PPM1E: variants seen among roughly 807,000 people sequenced by gnomAD.
PPM1E encodes protein phosphatase, Mg2+/Mn2+ dependent 1E.
In PPM1E, 20 loss-of-function variants were observed where a neutral mutation model predicts 65.9. That is an observed-to-expected ratio of 0.30 (90% CI 0.21 to 0.44). PPM1E has a LOEUF of 0.44. Ranked by LOEUF, PPM1E falls within the 20% of genes least tolerant of loss-of-function variation. PPM1E has a pLI of 1.00. For synonymous variants in PPM1E, 352 were observed against 374.9 expected, an observed-to-expected ratio of 0.94 and a Z score of 0.70; for missense variants, 713 against 953.1, an observed-to-expected ratio of 0.75 and a Z score of 3.32.
chr17:58,868,369 C>A (rs1386538617), intron 1 of PPM1E, among the ~76,000 whole-genome samples: 1 of 151,366 alleles, frequency 6.6e-6, no homozygotes, highest in African/African-American at 2.4e-5. Context: ...CAATATTTTT[C>A]AAAAAAAAAT....
intron 6 of PPM1E, 22 bp from the exon 7 acceptor site, chr17:58,979,952 C>T: frequency 1.3e-6 from 2 of 1,586,940 alleles, no homozygotes; most frequent in African/African-American, 1.3e-5. Flanking sequence ...CTAATGATGC[C>T]CCTACACTCT....
chr17:58,773,068 C>G (rs1452322784), intron 1 of PPM1E, among the ~76,000 whole-genome samples: 1 of 151,594 alleles, frequency 6.6e-6, no homozygotes, highest in Non-Finnish European at 1.5e-5. Context: ...CTAAACTGTT[C>G]CCATTTCAAC....
In PPM1E at chr17:58,842,563, G is replaced by A. The variant is rs538799162; in HGVS notation, c.464+86102G>A. On this transcript the variant is annotated intron_variant, in intron 1 of 6. Transcript: ENST00000308249. ...CTCATGCCTGTAATCCCAGCACTTC[G>A]GGAGGCCAAGGCGGGTGGATCACTT... Among the ~76,000 whole-genome samples, 219 of 152,348 alleles carry A rather than the reference G, an allele frequency of 1.4e-3. 1 individual carries two copies. In the Middle Eastern group the frequency reaches 0.017, roughly 12 times the overall value.
At chr17:58,835,566 T>G (rs1403335381) in intron 1 of PPM1E, among the ~76,000 whole-genome samples, 1 of 152,068 alleles carries the variant, frequency 6.6e-6, no homozygotes, top group Non-Finnish European at 1.5e-5. Flanking sequence ...GCACCTGTAA[T>G]CCCAGCATTT....
chr17:58,784,016 T>TTTTTG (rs554744120), intron 1 of PPM1E, among the ~76,000 whole-genome samples: 13 of 149,312 alleles, frequency 8.7e-5, no homozygotes, highest in East Asian at 2.0e-4. Context: ...CGGCCTGTTT[T>TTTTTG]TTTTGTTTTG....
rs1417473032 is a variant in PPM1E, at chr17:58,818,561, A to G, written c.464+62100A>G. ...AGATTTGAGGGCTACTTATTCCCAT[A>G]TATAAGCTTTACTTAGTGTAAACTT... is the stretch of plus-strand genomic sequence containing the variant. On this transcript the variant is annotated intron_variant, in intron 1 of 6. Transcript: ENST00000308249. Among the ~76,000 whole-genome samples the G allele has an allele frequency of 3.3e-5, 5 of 152,196 alleles. No homozygotes were observed. In the South Asian group the frequency reaches 8.3e-4, roughly 25 times the overall value.
At chr17:58,814,229 A>G (rs1424911168) in intron 1 of PPM1E, among the ~76,000 whole-genome samples, 1 of 152,178 alleles carries the variant, frequency 6.6e-6, no homozygotes, top group Non-Finnish European at 1.5e-5. Flanking sequence ...AGATGGGAAT[A>G]GGAGTGTGAA....
At chr17:58,777,172 A>T (rs2050002049) in intron 1 of PPM1E, among the ~76,000 whole-genome samples, 2 of 152,132 alleles carry the variant, frequency 1.3e-5, no homozygotes, top group African/African-American at 4.8e-5. Flanking sequence ...GCTGCAGTGA[A>T]CCATTCAACC....
chr17:58,925,719 C>T (rs957733558), intron 1 of PPM1E, among the ~76,000 whole-genome samples: 4 of 152,086 alleles, frequency 2.6e-5, no homozygotes, highest in Non-Finnish European at 5.9e-5. Flanking sequence ...GGATTACAGG[C>T]GTGGGGCTGT....
chr17:58,860,593 T>G (rs966380258), intron 1 of PPM1E, among the ~76,000 whole-genome samples: 1 of 152,190 alleles, frequency 6.6e-6, no homozygotes, highest in Non-Finnish European at 1.5e-5. Flanking sequence ...TCAAGTTGTC[T>G]CATTTTTCAG....
chr17:58,952,686 T>G (rs2052256157), intron 1 of PPM1E, among the ~76,000 whole-genome samples: 1 of 152,124 alleles, frequency 6.6e-6, no homozygotes, highest in South Asian at 2.1e-4. Context: ...TTCTTTTTGT[T>G]TGTTTGTTTT....
chr17:58,812,115 ATTT>A (rs199612182), intron 1 of PPM1E, among the ~76,000 whole-genome samples: 1 of 148,808 alleles, frequency 6.7e-6, no homozygotes, highest in Non-Finnish European at 1.5e-5. Context: ...TCAGAATTCC[ATTT>A]TTTTTTTAAT....
chr17:58,793,442 G>A (rs896313935), intron 1 of PPM1E, among the ~76,000 whole-genome samples: 1 of 151,516 alleles, frequency 6.6e-6, no homozygotes, highest in African/African-American at 2.4e-5. Flanking sequence ...TGCAAGCTCC[G>A]CCTCCCGAGT....
chr17:58,824,625 G>A (rs1479909529), intron 1 of PPM1E, among the ~76,000 whole-genome samples: 8 of 149,290 alleles, frequency 5.4e-5, no homozygotes, highest in African/African-American at 1.7e-4. Context: ...AGTCTCGCTC[G>A]TCGCCCAGGC....
intron 1 of PPM1E, among the ~76,000 whole-genome samples, chr17:58,758,185 G>T (rs938399244): frequency 2.8e-5 from 4 of 145,204 alleles, no homozygotes; most frequent in African/African-American, 1.0e-4. Flanking sequence ...ATGTAAGAAG[G>T]TTTTTTTTTT....
At chr17:58,878,343 A>G (rs2051151091) in intron 1 of PPM1E, among the ~76,000 whole-genome samples, 1 of 151,982 alleles carries the variant, frequency 6.6e-6, no homozygotes, top group Non-Finnish European at 1.5e-5. Context: ...CCCGGGTTCA[A>G]GGGATTCTCC....
intron 1 of PPM1E, among the ~76,000 whole-genome samples, chr17:58,898,265 A>C (rs1018761655): frequency 6.6e-6 from 1 of 152,052 alleles, no homozygotes; most frequent in African/African-American, 2.4e-5. Flanking sequence ...AAAAAAAAAA[A>C]AAAACTATCT....
At chr17:58,827,189 G>A (rs373836944) in intron 1 of PPM1E, among the ~76,000 whole-genome samples, 31 of 146,386 alleles carry the variant, frequency 2.1e-4, no homozygotes, top group African/African-American at 6.1e-4. Context: ...CCAGGCTGGA[G>A]TGCAATGCCA....
chr17:58,929,284 G>A (rs997724606), intron 1 of PPM1E, among the ~76,000 whole-genome samples: 1 of 152,128 alleles, frequency 6.6e-6, no homozygotes, highest in Non-Finnish European at 1.5e-5. Context: ...AATGAGAACA[G>A]TAGGAGATTG....
Sources: gnomAD v4.1 joint callset for allele counts (sites outside exome capture counted in the v4.1 genomes callset) on GRCh38, gnomAD v4.1.1 for gene constraint, MANE v1.5 for transcripts, NCBI Gene and HGNC (gene_info 2026-07-23, HGNC 2026-07-21) for gene names.